PDE4D: variants seen among roughly 807,000 people sequenced by gnomAD.
The protein encoded by PDE4D is 3',5'-cyclic-AMP phosphodiesterase 4D.
PDE4D carries 24 observed loss-of-function variants against 87.4 expected under a neutral mutation model. The ratio of observed to expected loss-of-function variants is 0.27; its 90% confidence interval spans 0.20 to 0.39. PDE4D has a LOEUF of 0.39. PDE4D is among the 10% of genes least tolerant of loss of function. PDE4D has a pLI of 1.00. For missense variants in PDE4D, 714 were observed against 1,041.0 expected (o/e 0.69, Z 4.32); for synonymous variants, 384 against 383.2 (o/e 1.00, Z -0.02).
At chr5:60,037,096 C>T (rs1156314862) in intron 2 of PDE4D, among the ~76,000 whole-genome samples, 14 of 152,182 alleles carry the variant, frequency 9.2e-5, no homozygotes, top group African/African-American at 2.6e-4. Context: ...GAATAGGATA[C>T]GCATATGGTT....
At chr5:60,049,330 C>T (rs187609507) in intron 2 of PDE4D, among the ~76,000 whole-genome samples, 4 of 152,238 alleles carry the variant, frequency 2.6e-5, no homozygotes, top group Admixed American at 6.5e-5. Flanking sequence ...AGTACCTCAG[C>T]GTAATTTGAT....
intron 2 of PDE4D, among the ~76,000 whole-genome samples, chr5:60,038,672 G>T (rs1011218097): frequency 1.3e-3 from 201 of 151,706 alleles, no homozygotes; most frequent in African/African-American, 4.3e-3. Context: ...GGAGAAAATT[G>T]TCGCAACCTA....
intron 11 of PDE4D, among the ~76,000 whole-genome samples, chr5:58,980,376 A>AT (rs1295913548): frequency 1.3e-5 from 2 of 152,196 alleles, no homozygotes; most frequent in Non-Finnish European, 2.9e-5. Flanking sequence ...ACTGACTATG[A>AT]TTACAAGTAC....
chr5:59,803,821 A>T (rs1300276297), intron 1 of PDE4D, among the ~76,000 whole-genome samples: 1 of 152,232 alleles, frequency 6.6e-6, no homozygotes, highest in African/African-American at 2.4e-5. Context: ...ATTCCACAGG[A>T]CAGCAATCTT....
intron 1 of PDE4D, among the ~76,000 whole-genome samples, chr5:59,827,328 C>A (rs1770442031): frequency 6.6e-6 from 1 of 152,014 alleles, no homozygotes; most frequent in South Asian, 2.1e-4. Flanking sequence ...TTGTGGAAAG[C>A]AAGAATGATT....
chr5:59,901,174 G>A (rs1435045782), intron 3 of PDE4D, among the ~76,000 whole-genome samples: 1 of 152,150 alleles, frequency 6.6e-6, no homozygotes, highest in African/African-American at 2.4e-5. Flanking sequence ...GCCTGGATTT[G>A]AGCCTCGTCA....
At chr5:59,050,060 T>A (rs181169609) in intron 5 of PDE4D, among the ~76,000 whole-genome samples, 85 of 152,244 alleles carry the variant, frequency 5.6e-4, no homozygotes, top group African/African-American at 2.0e-3. Context: ...GGTCAAGAGT[T>A]TGAGACCAGC....
intron 1 of PDE4D, among the ~76,000 whole-genome samples, chr5:59,749,265 G>C (rs1284653498): frequency 6.6e-6 from 1 of 151,910 alleles, no homozygotes; most frequent in African/African-American, 2.4e-5. Flanking sequence ...TGTTGTTGTT[G>C]TTTCTTTGTT....
intron 1 of PDE4D, among the ~76,000 whole-genome samples, chr5:59,520,009 C>A (rs1189808426): frequency 6.6e-6 from 1 of 152,090 alleles, no homozygotes; most frequent in Admixed American, 6.6e-5. Flanking sequence ...CACCTGTAAT[C>A]CCAGCTTTTT....
chr5:60,077,638 C>T (rs1773456069), intron 2 of PDE4D, among the ~76,000 whole-genome samples: 1 of 152,126 alleles, frequency 6.6e-6, no homozygotes, highest in African/African-American at 2.4e-5. Flanking sequence ...TCCCCTAGGG[C>T]TACAGTCTCC....
At chr5:59,440,605 C>A (rs1052086010) in intron 1 of PDE4D, among the ~76,000 whole-genome samples, 2 of 152,140 alleles carry the variant, frequency 1.3e-5, no homozygotes, top group African/African-American at 4.8e-5. Context: ...GGGGAAACCC[C>A]ATCTCTACTG....
intron 1 of PDE4D, among the ~76,000 whole-genome samples, chr5:59,473,007 C>G (rs2153652635): frequency 6.9e-6 from 1 of 145,556 alleles, no homozygotes; most frequent in South Asian, 2.2e-4. Flanking sequence ...AAGAGCATGA[C>G]TTTTATTGTC....
At chr5:60,016,975 T>C (rs949159106) in intron 2 of PDE4D, among the ~76,000 whole-genome samples, 2 of 152,190 alleles carry the variant, frequency 1.3e-5, no homozygotes, top group Non-Finnish European at 2.9e-5. Flanking sequence ...CAGCTACAGC[T>C]GTATGAAATG....
intron 1 of PDE4D, among the ~76,000 whole-genome samples, chr5:59,548,877 CT>C (rs1220283016): frequency 6.6e-6 from 1 of 152,098 alleles, no homozygotes; most frequent in Non-Finnish European, 1.5e-5. Context: ...CCCACTAGAA[CT>C]TTTTTCTGCT....
chr5:60,133,820 T>C (rs1582812544), intron 2 of PDE4D, among the ~76,000 whole-genome samples: 1 of 152,200 alleles, frequency 6.6e-6, no homozygotes, highest in Admixed American at 6.5e-5. Flanking sequence ...AACTATATAC[T>C]CTACCATTTA....
chr5:58,991,767 G>C (rs1458940607), intron 8 of PDE4D, 65 bp downstream of exon 8: 1 of 1,040,686 alleles, frequency 9.6e-7, no homozygotes, highest in Admixed American at 3.3e-5. Context: ...TAAAAGACTA[G>C]AAGTGAAAAT....
intron 2 of PDE4D, among the ~76,000 whole-genome samples, chr5:60,169,496 T>A (rs1361607561): frequency 6.6e-6 from 1 of 152,002 alleles, no homozygotes; most frequent in Non-Finnish European, 1.5e-5. Flanking sequence ...GCACAACAAT[T>A]TTTTTGCTGG....
chr5:59,319,158 A>ATATGTG (rs1032738980), intron 1 of PDE4D, among the ~76,000 whole-genome samples: 1 of 121,584 alleles, frequency 8.2e-6, no homozygotes, highest in African/African-American at 3.7e-5. Context: ...GAGTACATAT[A>ATATGTG]TATGTGTGTG....
intron 1 of PDE4D, among the ~76,000 whole-genome samples, chr5:59,266,629 T>C (rs1454169927): frequency 6.6e-6 from 1 of 151,908 alleles, no homozygotes; most frequent in Non-Finnish European, 1.5e-5. Context: ...AATATATCTC[T>C]AGGGCTCACG....
Sources: gnomAD v4.1 joint callset for allele counts (sites outside exome capture counted in the v4.1 genomes callset) on GRCh38, gnomAD v4.1.1 for gene constraint, MANE v1.5 for transcripts, NCBI Gene and HGNC (gene_info 2026-07-23, HGNC 2026-07-21) for gene names.